The following DNAH9 variants were observed in gnomAD, a reference collection of about 807,000 sequenced individuals.
The protein encoded by DNAH9 is dynein axonemal heavy chain 9.
In DNAH9, 345 loss-of-function variants were observed where a neutral mutation model predicts 471.6. The observed-to-expected ratio is 0.73, with a 90% CI of 0.67 to 0.80. DNAH9 has a LOEUF of 0.80. DNAH9 is among the 30% of genes least tolerant of loss of function. The probability of loss-of-function intolerance (pLI) is 0.00; values close to 1 mark genes in which losing one functional copy is unlikely to be tolerated. For missense variants in DNAH9, 5,407 were observed against 5,609.2 expected (o/e 0.96, Z 1.15); for synonymous variants, 2,093 against 2,123.6 (o/e 0.99, Z 0.40).
At chr17:11,755,358 G>A (rs1460734316) in intron 33 of DNAH9, among the ~76,000 whole-genome samples, 2 of 152,232 alleles carry the variant, frequency 1.3e-5, no homozygotes, top group African/African-American at 4.8e-5. Context: ...GTTCTGTGAA[G>A]AATGTCATTG....
Position 11,822,004 on chromosome 17 carries a change from T to A in DNAH9, c.8792T>A (p.Val2931Asp). 6.2e-7 allele frequency: 1 copy of A among 1,614,172 alleles called. No individual in the cohort carries two copies. Among genetic ancestry groups the A allele is most frequent in the South Asian group, 1.1e-5 (1 of 91,080 alleles). ...VRNEVKSQGL[V>D]DNRENCWKFF... ...AATGAAGTCAAGAGCCAGGGTCTGGTTGACAACAGAGAGAACTGTTGGAAG... is the reference window on the plus strand; with the variant it reads ...AATGAAGTCAAGAGCCAGGGTCTGGATGACAACAGAGAGAACTGTTGGAAG... The change falls in exon 46 of 69, where the codon GTT (valine) becomes GAT (aspartate). Residue 2931 changes from valine (V) to aspartate (D), a missense_variant. By Grantham distance (152) the Val-to-Asp change is radical. Coordinates refer to ENST00000262442, the MANE Select transcript of DNAH9 (RefSeq NM_001372.4).
chr17:11,869,318 G>T (rs1430389559), intron 51 of DNAH9, 65 bp downstream of exon 51: 5 of 1,591,624 alleles, frequency 3.1e-6, no homozygotes, highest in Non-Finnish European at 4.3e-6. Context: ...TGCCGTGGAG[G>T]TGCAAGATAG....
chr17:11,715,142 A>G (rs188077614), intron 26 of DNAH9, among the ~76,000 whole-genome samples: 15 of 152,374 alleles, frequency 9.8e-5, no homozygotes, highest in African/African-American at 3.6e-4. Context: ...AGCACAGGCT[A>G]TTCATAGCTG....
chr17:11,960,903 C>T (rs1220862690), intron 67 of DNAH9, among the ~76,000 whole-genome samples: 1 of 152,212 alleles, frequency 6.6e-6, no homozygotes, highest in Admixed American at 6.5e-5. Context: ...CTTGATGAGA[C>T]AGCCAAACGC....
intron 19 of DNAH9, among the ~76,000 whole-genome samples, chr17:11,684,946 T>C (rs2074212684): frequency 6.6e-6 from 1 of 152,246 alleles, no homozygotes; most frequent in South Asian, 2.1e-4. Context: ...TTCATTCAGC[T>C]TGATCCTGTT....
In DNAH9 at chr17:11,822,499, C is replaced by A. The variant is rs1477230639; in HGVS notation, c.8912C>A (p.Ala2971Asp). The change falls in exon 47 of 69, where the codon GCC becomes GAC. Residue 2971 changes from alanine to aspartate, a missense_variant. Around this residue, in one of 3 missense-constraint regions of DNAH9, gnomAD observed 4,636 missense variants for 4,900.3 expected, o/e 0.95. Transcript: ENST00000262442. Reference sequence around the variant, plus strand: ...AGAGTCCGCAGCAGGAAGTTCCCAGCCATTGTGAACTGCACAGCCATCCAC... The same window carrying A: ...AGAGTCCGCAGCAGGAAGTTCCCAGACATTGTGAACTGCACAGCCATCCAC... ...KLRVRSRKFP[A>D]IVNCTAIHWF... 1.9e-6 allele frequency: 3 copies of A among 1,614,194 alleles called. No homozygotes were observed. The South Asian group carries it at 3.3e-5, about 18-fold the overall frequency.
intron 27 of DNAH9, among the ~76,000 whole-genome samples, chr17:11,726,804 T>A (rs2150812651): frequency 6.6e-6 from 1 of 152,170 alleles, no homozygotes; most frequent in African/African-American, 2.4e-5. Flanking sequence ...ATCCCAGCAC[T>A]TTGGGAGGCC....
chr17:11,934,179 C>T (rs1974617643), intron 65 of DNAH9, 108 bp downstream of exon 65: 3 of 1,235,592 alleles, frequency 2.4e-6, no homozygotes, highest in Non-Finnish European at 2.3e-6. Context: ...GGGACATCAC[C>T]ATGGGCTGCA....
chr17:11,647,041 ATGAGGTGGC>A (rs749236703), intron 11 of DNAH9, 22 bp from the exon 12 acceptor site: 1 of 1,611,130 alleles, frequency 6.2e-7, no homozygotes, highest in East Asian at 2.2e-5. Context: ...GAGGGGGCTT[ATGAGGTGGC>A]TGTTGTCTCT....
At chr17:11,743,292 T>C (rs1212380955) in intron 30 of DNAH9, among the ~76,000 whole-genome samples, 1 of 152,232 alleles carries the variant, frequency 6.6e-6, no homozygotes, top group Non-Finnish European at 1.5e-5. Flanking sequence ...AATGATTCTA[T>C]GTTCTGGATA....
intron 30 of DNAH9, among the ~76,000 whole-genome samples, chr17:11,742,569 C>T (rs1009759968): frequency 6.6e-6 from 1 of 152,136 alleles, no homozygotes; most frequent in African/African-American, 2.4e-5. Flanking sequence ...CAGACACCAG[C>T]GTCCCATGAG....
intron 67 of DNAH9, among the ~76,000 whole-genome samples, chr17:11,950,294 A>G (rs114873954): frequency 1.7e-3 from 260 of 152,316 alleles, no homozygotes; most frequent in African/African-American, 6.0e-3. Flanking sequence ...TAGACTTTCT[A>G]TGGGTTTGGA....
chr17:11,918,293 GC>G (rs1555620742), intron 61 of DNAH9, among the ~76,000 whole-genome samples: 1 of 151,896 alleles, frequency 6.6e-6, no homozygotes, highest in Non-Finnish European at 1.5e-5. Flanking sequence ...GTGCAGTGGC[GC>G]CATCTTGGCT....
rs1484287727 is a variant in DNAH9, at chr17:11,598,879, G to C, written c.381G>C (p.Ala127=). 6.5e-7 allele frequency: 1 copy of C among 1,542,358 alleles called. No individual in the cohort carries two copies. Among genetic ancestry groups the C allele is most frequent in the Non-Finnish European group, 8.7e-7 (1 of 1,150,764 alleles). ...RGAVVCGDLP[A]APLEHLAALF... ...CAGTGGTCTGCGGGGACCTGCCCGC[G>C]GCACCTCTGGAGCACCTAGCCGCGC... is the stretch of plus-strand genomic sequence containing the variant. Residue 127 remains alanine (A), a synonymous_variant, in exon 1 of 69, where the codon GCG becomes GCC. Transcript: ENST00000262442.
chr17:11,622,571 G>A (rs2072890022), intron 6 of DNAH9, among the ~76,000 whole-genome samples: 1 of 152,160 alleles, frequency 6.6e-6, no homozygotes. Flanking sequence ...GTTTGCAGAT[G>A]CTCCAGCCCT....
At chr17:11,671,346 G>C (rs949553187) in intron 17 of DNAH9, among the ~76,000 whole-genome samples, 1 of 152,188 alleles carries the variant, frequency 6.6e-6, no homozygotes, top group African/African-American at 2.4e-5. Flanking sequence ...TAGTTCTCAA[G>C]AGGACGGTGT....
chr17:11,608,131 T>G lies in DNAH9; in HGVS notation c.420T>G (p.Val140=). The change falls in exon 2 of 69, where the codon GTT becomes GTG. Residue 140 remains valine (V), a splice_region_variant and synonymous_variant. Coordinates refer to ENST00000262442, the MANE Select transcript of DNAH9 (RefSeq NM_001372.4). ...TTTCCTGTGCACCTCTGTTCCAGGT[T>G]GTTCTACCCGTCCTGGCCAATGAGA... ...LEHLAALFSE[V]VLPVLANEKN... The G allele has an allele frequency of 6.3e-7, 1 of 1,588,280 alleles. No homozygotes were observed. The highest frequency in any genetic ancestry group is 8.6e-7 in the Non-Finnish European group (1 of 1,163,436).
At chr17:11,695,444 G>T (rs1233956625) in intron 22 of DNAH9, among the ~76,000 whole-genome samples, 1 of 152,162 alleles carries the variant, frequency 6.6e-6, no homozygotes. Flanking sequence ...AGGCTTATTG[G>T]CAAAAGCATA....
intron 27 of DNAH9, among the ~76,000 whole-genome samples, chr17:11,726,762 C>T (rs557946791): frequency 1.3e-5 from 2 of 152,132 alleles, no homozygotes; most frequent in African/African-American, 4.8e-5. Context: ...AAAATGCCCA[C>T]TGAAGGCTGG....
Sources: gnomAD v4.1 joint callset for allele counts (sites outside exome capture counted in the v4.1 genomes callset) on GRCh38, gnomAD v4.1.1 for gene constraint, gnomAD v4.1.1 regional missense constraint, MANE v1.5 for transcripts, NCBI Gene and HGNC (gene_info 2026-07-23, HGNC 2026-07-21) for gene names.